Variants in NCOA1 observed in about 807,000 individuals in gnomAD.
NCOA1 encodes the protein Hin-2 protein.
NCOA1 carries 35 observed loss-of-function variants against 150.9 expected under a neutral mutation model. The ratio of observed to expected loss-of-function variants is 0.23; its 90% CI spans 0.18 to 0.31. The LOEUF is 0.31. Among genes scored for constraint, NCOA1 ranks in the 10% least tolerant of loss-of-function variants. NCOA1 has a pLI of 1.00. For synonymous variants in NCOA1, 590 were observed against 630.0 expected (o/e 0.94, Z 0.95); for missense variants, 1,491 against 1,749.3 (o/e 0.85, Z 2.63).
chr2:24,576,170 G>GTTTTTTTTTTT (rs869093026), intron 2 of NCOA1, among the ~76,000 whole-genome samples: 2 of 46,326 alleles, frequency 4.3e-5, no homozygotes, highest in South Asian at 8.5e-4. Context: ...TTTGTTTTTT[G>GTTTTTTTTTTT]TTTTTTTTTT....
At chr2:24,565,922 G>T (rs1337774179) in intron 2 of NCOA1, among the ~76,000 whole-genome samples, 1 of 152,284 alleles carries the variant, frequency 6.6e-6, no homozygotes, top group East Asian at 1.9e-4. Context: ...GCTTGGAGAT[G>T]CCAGGAACTG....
At chr2:24,543,499 T>C (rs1369568286) in intron 1 of NCOA1, among the ~76,000 whole-genome samples, 2 of 152,056 alleles carry the variant, frequency 1.3e-5, no homozygotes, top group East Asian at 3.8e-4. Flanking sequence ...AATGTGATTT[T>C]TTTGCTCAGA....
chr2:24,629,817 CATATATATATATATATATAT>C (rs57598398), intron 3 of NCOA1, among the ~76,000 whole-genome samples: 1 of 79,342 alleles, frequency 1.3e-5, no homozygotes, highest in Admixed American at 1.8e-4. Flanking sequence ...AACATACATA[CATATATATATATATATATAT>C]ATATATATAT....
Position 24,729,708 on chromosome 2 carries a change from T to C in NCOA1, c.3094T>C (p.Phe1032Leu). ...PVQVTPPRGA[F>L]SPGMGMQPRQ... ...TCAAGTAACACCTCCCCGAGGTGCTTTTTCACCTGGCATGGGCATGCAGCC... is the reference window on the plus strand; with the variant it reads ...TCAAGTAACACCTCCCCGAGGTGCTCTTTCACCTGGCATGGGCATGCAGCC... The change falls in exon 17 of 23, where the codon TTT becomes CTT. Residue 1032 changes from phenylalanine (F) to leucine (L), a missense_variant. Phe to Leu is a conservative substitution (Grantham distance 22). Around this residue, in one of 8 missense-constraint regions of NCOA1, gnomAD observed 485 missense variants for 522.8 expected, o/e 0.93. Transcript: ENST00000348332. 1 of 1,614,164 alleles carries C rather than the reference T, an allele frequency of 6.2e-7. No individual in the cohort carries two copies. Among genetic ancestry groups the C allele is most frequent in the East Asian group, 2.2e-5 (1 of 44,884 alleles).
At chr2:24,748,494 C>G (rs937429063) in intron 19 of NCOA1, among the ~76,000 whole-genome samples, 7 of 151,592 alleles carry the variant, frequency 4.6e-5, no homozygotes, top group Non-Finnish European at 8.8e-5. Context: ...CCTATAATGC[C>G]AGCTACTCGG....
chr2:24,525,047 G>A (rs1164305429), intron 1 of NCOA1, among the ~76,000 whole-genome samples: 1 of 152,218 alleles, frequency 6.6e-6, no homozygotes, highest in Non-Finnish European at 1.5e-5. Flanking sequence ...GGGAGCCTTA[G>A]AGAATCTGAG....
In NCOA1 at chr2:24,691,510, A is replaced by T. The variant is rs754629968; in HGVS notation, c.562A>T (p.Thr188Ser). 1 of 1,614,114 alleles carries T rather than the reference A, an allele frequency of 6.2e-7. No individual in the cohort carries two copies. Among genetic ancestry groups the T allele is most frequent in the Non-Finnish European group, 8.5e-7 (1 of 1,179,984 alleles). The change falls in exon 9 of 23, where the codon ACA becomes TCA. Residue 188 changes from threonine (T) to serine (S), a missense_variant. Thr to Ser is a moderately conservative substitution (Grantham distance 58). Transcript: ENST00000348332. ...VNGVPWPQEA[T>S]RRNSHTFNCR... ...TGGAGTTCCTTGGCCTCAAGAGGCA[A>T]CACGACGAAATAGCCATACCTTTAA...
At chr2:24,767,750 T>C (rs534185499) in intron 22 of NCOA1, 3 of 237,536 alleles carry the variant, frequency 1.3e-5, no homozygotes, top group Admixed American at 1.1e-4. Flanking sequence ...TGTCCTCTTA[T>C]TGAGTTGTGG....
At chr2:24,674,347 A>G (rs532390939) in intron 7 of NCOA1, among the ~76,000 whole-genome samples, 19 of 151,912 alleles carry the variant, frequency 1.3e-4, no homozygotes, top group Admixed American at 1.1e-3. Flanking sequence ...CTGGGACTAC[A>G]GGCGCCTGCT....
At chr2:24,557,269 A>G (rs968051131) in intron 1 of NCOA1, among the ~76,000 whole-genome samples, 2 of 152,054 alleles carry the variant, frequency 1.3e-5, no homozygotes, top group African/African-American at 4.8e-5. Flanking sequence ...ATATTATGCC[A>G]CTTTATATGT....
Position 24,769,367 on chromosome 2 carries a change from A to G in NCOA1, c.*976A>G, listed in dbSNP as rs950600152. 1.6e-5 allele frequency: 3 copies of G among 188,040 alleles called. No homozygotes were observed. The highest frequency in any genetic ancestry group is 7.0e-5 in the African/African-American group (3 of 42,774). 11.6% of individuals were successfully genotyped at this position (188,040 alleles called of 1,614,324 possible). ...TTGATTTTTCTAAATTTGTGTGTGA[A>G]ATATAACATTGATTGAATTGCAGTT... On this transcript the variant is annotated 3_prime_UTR_variant, in exon 23 of 23. Transcript: ENST00000348332.
At chr2:24,585,178 G>A (rs1161145247) in intron 3 of NCOA1, among the ~76,000 whole-genome samples, 1 of 152,020 alleles carries the variant, frequency 6.6e-6, no homozygotes, top group Non-Finnish European at 1.5e-5. Flanking sequence ...TTGCTAAATT[G>A]GCATGTAGAT....
chr2:24,706,554 C>A lies in NCOA1; in HGVS notation c.1098-14C>A. ...AATGAAGATGTTTGAATAATAATGTCTTTTTCCCCCTAGGGAGCACAGTGG... is the reference window on the plus strand; with the variant it reads ...AATGAAGATGTTTGAATAATAATGTATTTTTCCCCCTAGGGAGCACAGTGG... On this transcript the variant is annotated splice_polypyrimidine_tract_variant and intron_variant, in intron 12 of 22. Coordinates refer to ENST00000348332, the MANE Select transcript of NCOA1 (RefSeq NM_003743.5). The A allele has an allele frequency of 1.3e-6, 2 of 1,567,292 alleles. No homozygotes were observed. The highest frequency in any genetic ancestry group is 1.7e-6 in the Non-Finnish European group (2 of 1,157,182).
chr2:24,770,083 G>T lies in NCOA1; in HGVS notation c.*1692G>T, dbSNP rs1558355187. ...GAAACTATGCCGAATAAAAAGATTGGTGGAAGGGCTCATGTGGTTAGCAAC... is the reference window on the plus strand; with the variant it reads ...GAAACTATGCCGAATAAAAAGATTGTTGGAAGGGCTCATGTGGTTAGCAAC... On this transcript the variant is annotated 3_prime_UTR_variant, in exon 23 of 23. Coordinates refer to ENST00000348332, the MANE Select transcript of NCOA1 (RefSeq NM_003743.5). 4.4e-6 allele frequency: 1 copy of T among 229,748 alleles called. No individual in the cohort carries two copies. Among genetic ancestry groups the T allele is most frequent in the South Asian group, 1.8e-4 (1 of 5,502 alleles). The allele number at this position is 229,748 out of a possible 1,614,324, so 14.2% of individuals were successfully genotyped here.
At chr2:24,525,324 G>A (rs1664602044) in intron 1 of NCOA1, among the ~76,000 whole-genome samples, 1 of 152,132 alleles carries the variant, frequency 6.6e-6, no homozygotes, top group South Asian at 2.1e-4. Flanking sequence ...ATAAAAGTGA[G>A]TCAAGTTTAT....
chr2:24,684,542 T>A (rs543739705), intron 8 of NCOA1, among the ~76,000 whole-genome samples: 1 of 152,244 alleles, frequency 6.6e-6, no homozygotes, highest in South Asian at 2.1e-4. Flanking sequence ...CTAGTGGTGC[T>A]GCTCCCGGCT....
At chr2:24,764,100 T>C (rs1270417038) in intron 22 of NCOA1, among the ~76,000 whole-genome samples, 1 of 152,240 alleles carries the variant, frequency 6.6e-6, no homozygotes, top group Non-Finnish European at 1.5e-5. Flanking sequence ...ACTGTATGCA[T>C]TATCTCATTT....
intron 1 of NCOA1, among the ~76,000 whole-genome samples, chr2:24,525,536 T>C (rs1664616503): frequency 6.6e-6 from 1 of 151,966 alleles, no homozygotes; most frequent in African/African-American, 2.4e-5. Context: ...GTAGTCTTTA[T>C]TATGTTAGAA....
intron 3 of NCOA1, among the ~76,000 whole-genome samples, chr2:24,639,781 A>C (rs1012270063): frequency 3.3e-5 from 5 of 151,182 alleles, no homozygotes; most frequent in Middle Eastern, 3.4e-3. Context: ...TCAGCTACTC[A>C]GGAGGCTGAA....
Sources: allele counts gnomAD v4.1 joint callset (sites outside exome capture counted in the v4.1 genomes callset), GRCh38; gene constraint gnomAD v4.1.1; regional missense constraint gnomAD v4.1.1; transcripts MANE v1.5; gene names NCBI Gene and HGNC (gene_info 2026-07-23, HGNC 2026-07-21).